The following PIK3R1 variants were observed in gnomAD, a reference collection of about 807,000 sequenced individuals.
PIK3R1 encodes the protein phosphatidylinositol 3-kinase regulatory subunit alpha.
Under a neutral mutation model 98.0 loss-of-function variants are expected in PIK3R1, and 29 were observed. The observed-to-expected ratio is 0.30, with a 90% CI of 0.22 to 0.40. The LOEUF (loss-of-function observed/expected upper bound fraction) is 0.40, where lower values mean the gene tolerates loss of function less well. Ranked by LOEUF, PIK3R1 falls within the 10% of genes least tolerant of loss-of-function variation. The pLI is 1.00. For synonymous variants in PIK3R1, 282 were observed against 311.8 expected, an observed-to-expected ratio of 0.90 and a Z score of 1.01; for missense variants, 596 against 872.7, an observed-to-expected ratio of 0.68 and a Z score of 3.99.
rs1037348216 is a variant in PIK3R1 at position 68,299,768 on chromosome 5, G to A, written c.*2167G>A. The stretch of plus-strand genomic sequence containing the variant: ...CAGCTGAGTGAAAAATCTGTGGAAT[G>A]TATTATTTGTCCTCTTTACATGAAA... On this transcript the variant is annotated 3_prime_UTR_variant, in exon 16 of 16. Coordinates refer to ENST00000521381, the MANE Select transcript of PIK3R1 (RefSeq NM_181523.3). 1 of 233,036 alleles carries A rather than the reference G, an allele frequency of 4.3e-6. No individual in the cohort carries two copies. The highest frequency in any genetic ancestry group is 8.5e-6 in the Non-Finnish European group (1 of 117,998). 14.4% of individuals were successfully genotyped at this position (233,036 alleles called of 1,614,324 possible).
chr5:68,227,079 G>A, intron 2 of PIK3R1, 70 bp downstream of exon 2: 1 of 1,405,256 alleles, frequency 7.1e-7, no homozygotes, highest in Non-Finnish European at 9.7e-7. Context: ...CTTAAGTTTG[G>A]GTTGAGTCGT....
chr5:68,255,883 C>CTGA (rs1229653061), intron 2 of PIK3R1, among the ~76,000 whole-genome samples: 1 of 152,202 alleles, frequency 6.6e-6, no homozygotes, highest in Admixed American at 6.5e-5. Context: ...CATTAAAATG[C>CTGA]TGATAATATC....
At chr5:68,218,428 C>G (rs574700864) in intron 1 of PIK3R1, among the ~76,000 whole-genome samples, 6 of 151,986 alleles carry the variant, frequency 3.9e-5, no homozygotes, top group African/African-American at 1.4e-4. Flanking sequence ...TTGATATGTT[C>G]AATCAACATA....
At position 68,273,499 on chromosome 5, in the gene PIK3R1, A is replaced by G; in HGVS notation, c.427+17A>G. 3 of 1,588,924 alleles carry G rather than the reference A, an allele frequency of 1.9e-6. No homozygotes were observed. The highest frequency in any genetic ancestry group is 2.6e-6 in the Non-Finnish European group (3 of 1,157,188). ...AAAAGAAAGGTAACCAGACTGCTAG[A>G]GGGCATCAGTTCCTTTGTTCTACCC... On this transcript the variant is annotated intron_variant, in intron 3 of 15. Coordinates refer to ENST00000521381, the MANE Select transcript of PIK3R1 (RefSeq NM_181523.3).
chr5:68,236,260 GT>G (rs201283746), intron 2 of PIK3R1, among the ~76,000 whole-genome samples: 3,062 of 149,966 alleles, frequency 0.02, 114 homozygotes, highest in African/African-American at 0.072. Flanking sequence ...TTGTTTGTTT[GT>G]TTTTTTGAGA....
chr5:68,272,252 C>CAAAAAAA (rs36123886), intron 2 of PIK3R1, among the ~76,000 whole-genome samples: 2 of 46,862 alleles, frequency 4.3e-5, no homozygotes, highest in Non-Finnish European at 9.1e-5. Flanking sequence ...GACCCTGTCT[C>CAAAAAAA]AAAAAAAAAA....
Position 68,273,401 on chromosome 5 carries a change from C to A in PIK3R1, c.346C>A (p.Pro116Thr), listed in dbSNP as rs367923318. ...ADVEQQALTLPDLAEQFAPPD... is the reference protein window; with the variant it reads ...ADVEQQALTLTDLAEQFAPPD... ...TTTGTTGTTTGCAGCTTTGACTCTC[C>A]CGGATCTTGCAGAGCAGTTTGCCCC... The change falls in exon 3 of 16, where the codon CCG becomes ACG. Residue 116 changes from proline (P) to threonine (T), a missense_variant. This residue lies in a region of PIK3R1 where 352 missense variants were observed against 393.3 expected (regional missense o/e 0.90). Transcript: ENST00000521381. 2.7e-5 allele frequency: 44 copies of A among 1,613,884 alleles called. No homozygotes were observed. The highest frequency in any genetic ancestry group is 3.5e-5 in the Non-Finnish European group (41 of 1,179,940).
chr5:68,224,860 C>G (rs1744218316), intron 1 of PIK3R1, among the ~76,000 whole-genome samples: 2 of 152,342 alleles, frequency 1.3e-5, no homozygotes, highest in South Asian at 4.1e-4. Context: ...CTCTCTAATT[C>G]CCTTGCCTCC....
intron 2 of PIK3R1, among the ~76,000 whole-genome samples, chr5:68,264,079 A>G (rs1746019614): frequency 6.6e-6 from 1 of 152,240 alleles, no homozygotes; most frequent in Non-Finnish European, 1.5e-5. Flanking sequence ...ATTTAGCTGG[A>G]TAAAACCCAT....
chr5:68,266,843 A>T (rs1388043879), intron 2 of PIK3R1, among the ~76,000 whole-genome samples: 1 of 152,128 alleles, frequency 6.6e-6, no homozygotes. Context: ...ATAAATGAAA[A>T]TATTTCTGTA....
intron 11 of PIK3R1, among the ~76,000 whole-genome samples, 171 bp downstream of exon 11, chr5:68,294,005 C>T (rs1018778799): frequency 1.3e-5 from 2 of 151,940 alleles, no homozygotes; most frequent in Non-Finnish European, 2.9e-5. Flanking sequence ...AGCTTTAAAC[C>T]AAAAATTTTA....
At chr5:68,220,990 T>C (rs1408568440) in intron 1 of PIK3R1, among the ~76,000 whole-genome samples, 7 of 152,212 alleles carry the variant, frequency 4.6e-5, no homozygotes, top group African/African-American at 9.7e-5. Context: ...TAGGGCCTAA[T>C]AGGAGGCTGT....
chr5:68,272,260 A>C (rs1746394343), intron 2 of PIK3R1, among the ~76,000 whole-genome samples: 1 of 143,372 alleles, frequency 7.0e-6, no homozygotes. Context: ...CTCAAAAAAA[A>C]AAAAAAAAAA....
chr5:68,300,624 G>A lies in PIK3R1; in HGVS notation c.*3023G>A, dbSNP rs555924765. On this transcript the variant is annotated 3_prime_UTR_variant, in exon 16 of 16. Coordinates refer to ENST00000521381, the MANE Select transcript of PIK3R1 (RefSeq NM_181523.3). ...GATAACTTCATGGCCTTTGATAAATGTATATATGTATATGTGCATGGACTG... is the reference window on the plus strand; with the variant it reads ...GATAACTTCATGGCCTTTGATAAATATATATATGTATATGTGCATGGACTG... The A allele has an allele frequency of 4.3e-6, 1 of 233,210 alleles. No individual in the cohort carries two copies. The highest frequency in any genetic ancestry group is 1.8e-4 in the South Asian group (1 of 5,524). The allele number at this position is 233,210 out of a possible 1,614,324, so 14.4% of individuals were successfully genotyped here. A position where few individuals can be genotyped will look rare whatever the true frequency, so the allele number is the denominator to read the frequency against.
chr5:68,260,903 C>T (rs893707011), intron 2 of PIK3R1, among the ~76,000 whole-genome samples: 2 of 152,178 alleles, frequency 1.3e-5, no homozygotes, highest in African/African-American at 4.8e-5. Context: ...GAAATGTTTT[C>T]ATCATTTTGA....
chr5:68,292,558 G>A (rs929182283), intron 8 of PIK3R1, 197 bp downstream of exon 8: 39 of 1,505,052 alleles, frequency 2.6e-5, no homozygotes, highest in Admixed American at 1.6e-4. Flanking sequence ...TTAAATACCC[G>A]GGAAGTTTCA....
Position 68,287,801 on chromosome 5 carries a change from C to G in PIK3R1, c.917-4458C>G, listed in dbSNP as rs148936689. Among the ~76,000 whole-genome samples, 105 of 152,268 alleles carry G rather than the reference C, an allele frequency of 6.9e-4. No individual in the cohort carries two copies. In the East Asian group the frequency reaches 0.012, roughly 18 times the overall value. On this transcript the variant is annotated intron_variant, in intron 7 of 15. Coordinates refer to ENST00000521381, the MANE Select transcript of PIK3R1 (RefSeq NM_181523.3). ...GCAATCGACCTCATAAAAATAGCCG[C>G]AGTGTTGTTTTATTCTGAATCGTCA...
In PIK3R1 at chr5:68,273,501, G is replaced by A; in HGVS notation, c.427+19G>A. 6.3e-7 allele frequency: 1 copy of A among 1,582,434 alleles called. No individual in the cohort carries two copies. The highest frequency in any genetic ancestry group is 1.1e-5 in the South Asian group (1 of 90,434). ...AAGAAAGGTAACCAGACTGCTAGAG[G>A]GCATCAGTTCCTTTGTTCTACCCTT... On this transcript the variant is annotated intron_variant, in intron 3 of 15. Transcript: ENST00000521381.
At chr5:68,275,291 G>A (rs1240407420) in intron 4 of PIK3R1, among the ~76,000 whole-genome samples, 1 of 152,142 alleles carries the variant, frequency 6.6e-6, no homozygotes, top group Admixed American at 6.5e-5. Flanking sequence ...GAAAAGGCTT[G>A]TTTTTCGGTG....
Sources: allele counts gnomAD v4.1 joint callset (sites outside exome capture counted in the v4.1 genomes callset), GRCh38; gene constraint gnomAD v4.1.1; regional missense constraint gnomAD v4.1.1; transcripts MANE v1.5; gene names NCBI Gene and HGNC (gene_info 2026-07-23, HGNC 2026-07-21).